ADAMTS17: variants seen among roughly 807,000 people sequenced by gnomAD.
The protein encoded by ADAMTS17 is A disintegrin and metalloproteinase with thrombospondin motifs 17.
Under a neutral mutation model 141.5 loss-of-function variants are expected in ADAMTS17, and 113 were observed. The observed-to-expected ratio is 0.80, with a 90% CI of 0.69 to 0.93. ADAMTS17 has a LOEUF of 0.93. Among genes scored for constraint, ADAMTS17 ranks in the 40% least tolerant of loss-of-function variants. The pLI, the probability that ADAMTS17 is intolerant of heterozygous loss-of-function variation, is 0.00. For synonymous variants in ADAMTS17, 768 were observed against 630.6 expected, an observed-to-expected ratio of 1.22 and a Z score of -3.27; for missense variants, 1,659 against 1,517.9, an observed-to-expected ratio of 1.09 and a Z score of -1.54.
At chr15:99,984,364 G>A (rs1488855037) in intron 20 of ADAMTS17, among the ~76,000 whole-genome samples, 1 of 152,158 alleles carries the variant, frequency 6.6e-6, no homozygotes, top group Non-Finnish European at 1.5e-5. Context: ...TGAGACAGCT[G>A]CCCCACGCCA....
At chr15:100,200,178 CCA>C (rs2041271132) in intron 7 of ADAMTS17, among the ~76,000 whole-genome samples, 1 of 152,202 alleles carries the variant, frequency 6.6e-6, no homozygotes, top group African/African-American at 2.4e-5. Flanking sequence ...GAAACCTGAA[CCA>C]CACACACCAG....
chr15:100,298,506 G>A (rs1292494418), intron 3 of ADAMTS17, among the ~76,000 whole-genome samples: 1 of 152,092 alleles, frequency 6.6e-6, no homozygotes, highest in African/African-American at 2.4e-5. Flanking sequence ...AAACTCATCA[G>A]TCCCATAAAC....
In ADAMTS17 at chr15:100,210,796, G is replaced by A. The variant is rs139726165; in HGVS notation, c.1076-11373C>T. Among the ~76,000 whole-genome samples the A allele has an allele frequency of 6.0e-5, 9 of 150,978 alleles. No homozygotes were observed. The South Asian group carries it at 8.4e-4, about 14-fold the overall frequency. On this transcript the variant is annotated intron_variant, in intron 7 of 21. Coordinates refer to ENST00000268070, the MANE Select transcript of ADAMTS17 (RefSeq NM_139057.4). ...GCCCAGCCAGCATGGCTGAAACCCC[G>A]TCTCTACTAAAAATACAAAAATTGG...
At chr15:100,061,533 T>C (rs58179995) in intron 15 of ADAMTS17, among the ~76,000 whole-genome samples, 22,847 of 152,188 alleles carry the variant, frequency 0.15, 2,319 homozygotes, top group East Asian at 0.5. Context: ...CCTGTTGGCC[T>C]TAAAGTGAAT....
chr15:100,076,393 T>C (rs185829235), intron 15 of ADAMTS17, among the ~76,000 whole-genome samples: 30 of 152,344 alleles, frequency 2.0e-4, no homozygotes, highest in African/African-American at 7.0e-4. Context: ...CTGAAATTTA[T>C]GGCAGTAACT....
intron 12 of ADAMTS17, among the ~76,000 whole-genome samples, chr15:100,123,656 C>T (rs2037568568): frequency 6.6e-6 from 1 of 152,264 alleles, no homozygotes; most frequent in Admixed American, 6.5e-5. Flanking sequence ...CTAACCATTA[C>T]TTCATTAAAT....
chr15:100,212,599 GA>G (rs890399405), intron 7 of ADAMTS17, among the ~76,000 whole-genome samples: 14 of 146,824 alleles, frequency 9.5e-5, no homozygotes, highest in South Asian at 2.2e-4. Flanking sequence ...CATTCCCTAG[GA>G]AAAAAAAAAC....
chr15:100,169,065 A>C (rs1370815707), intron 8 of ADAMTS17, among the ~76,000 whole-genome samples: 5 of 152,208 alleles, frequency 3.3e-5, no homozygotes, highest in Non-Finnish European at 4.4e-5. Flanking sequence ...GGCTGTGTTC[A>C]TCATATTCCC....
intron 3 of ADAMTS17, among the ~76,000 whole-genome samples, chr15:100,307,618 C>T (rs1169258933): frequency 1.3e-5 from 2 of 152,206 alleles, no homozygotes; most frequent in South Asian, 2.1e-4. Flanking sequence ...CCTCTGGTCC[C>T]TAAATGCCCC....
intron 3 of ADAMTS17, among the ~76,000 whole-genome samples, chr15:100,291,413 G>A (rs1283796416): frequency 1.3e-5 from 2 of 152,186 alleles, no homozygotes; most frequent in Admixed American, 1.3e-4. Flanking sequence ...ATGTAAATTA[G>A]TTTCAGCTAC....
intron 7 of ADAMTS17, among the ~76,000 whole-genome samples, chr15:100,201,008 G>A (rs1373843890): frequency 1.3e-5 from 2 of 152,210 alleles, no homozygotes; most frequent in African/African-American, 2.4e-5. Flanking sequence ...GTTGGCAGAG[G>A]GCAGGAGAGA....
At chr15:99,982,868 G>C (rs2060509035) in intron 20 of ADAMTS17, among the ~76,000 whole-genome samples, 1 of 152,202 alleles carries the variant, frequency 6.6e-6, no homozygotes, top group Non-Finnish European at 1.5e-5. Flanking sequence ...CTGCCCGGTG[G>C]AGAGGCAGCC....
chr15:100,281,634 C>T (rs1402582760), intron 3 of ADAMTS17, among the ~76,000 whole-genome samples: 1 of 152,198 alleles, frequency 6.6e-6, no homozygotes, highest in Non-Finnish European at 1.5e-5. Context: ...GGGGCCCACA[C>T]CCAACTCCCA....
At chr15:100,192,382 G>A (rs1197423052) in intron 8 of ADAMTS17, among the ~76,000 whole-genome samples, 3 of 152,208 alleles carry the variant, frequency 2.0e-5, no homozygotes, top group African/African-American at 7.2e-5. Context: ...CTTCCTGGGG[G>A]GAGGCACCCC....
intron 10 of ADAMTS17, among the ~76,000 whole-genome samples, chr15:100,134,292 A>G (rs944129501): frequency 4.6e-5 from 7 of 152,034 alleles, no homozygotes; most frequent in Non-Finnish European, 1.0e-4. Context: ...TCTCTCCCTC[A>G]CCCCCTCACA....
chr15:100,013,416 A>G (rs551292090), intron 18 of ADAMTS17, among the ~76,000 whole-genome samples: 1 of 152,264 alleles, frequency 6.6e-6, no homozygotes, highest in East Asian at 1.9e-4. Flanking sequence ...GACTTCCAGT[A>G]CTATGTTGAA....
At chr15:100,034,389 G>A (rs1192944316) in intron 18 of ADAMTS17, among the ~76,000 whole-genome samples, 2 of 152,236 alleles carry the variant, frequency 1.3e-5, no homozygotes, top group Non-Finnish European at 2.9e-5. Flanking sequence ...GCAGTGCTGT[G>A]ACCGTGGTCA....
chr15:100,119,249 G>T (rs75498868), intron 12 of ADAMTS17, among the ~76,000 whole-genome samples: 7 of 152,074 alleles, frequency 4.6e-5, no homozygotes, highest in Non-Finnish European at 1.0e-4. Context: ...AAGCCGCCTG[G>T]TTGGGGGTCC....
intron 7 of ADAMTS17, among the ~76,000 whole-genome samples, chr15:100,199,921 C>T (rs1215444702): frequency 6.6e-6 from 1 of 152,256 alleles, no homozygotes; most frequent in Non-Finnish European, 1.5e-5. Context: ...GGGAGCGCCT[C>T]CTCACAATGC....
Sources: gnomAD v4.1 joint callset for allele counts (sites outside exome capture counted in the v4.1 genomes callset) on GRCh38, gnomAD v4.1.1 for gene constraint, MANE v1.5 for transcripts, NCBI Gene and HGNC (gene_info 2026-07-23, HGNC 2026-07-21) for gene names.